Variants in CAMTA1 observed in about 807,000 individuals in gnomAD.
CAMTA1 encodes the protein calmodulin-binding transcription activator 1.
In CAMTA1, 27 loss-of-function variants were observed where a neutral mutation model predicts 170.9. That is an observed-to-expected ratio of 0.16 (90% CI 0.12 to 0.22). The LOEUF (loss-of-function observed/expected upper bound fraction) is 0.22. Ranked by LOEUF, CAMTA1 falls within the 10% of genes least tolerant of loss-of-function variation. CAMTA1 has a pLI of 1.00. For synonymous variants in CAMTA1, 833 were observed against 891.5 expected (o/e 0.93, Z 1.17); for missense variants, 1,619 against 2,217.2 (o/e 0.73, Z 5.42).
intron 3 of CAMTA1, among the ~76,000 whole-genome samples, chr1:6,850,155 C>A (rs542670379): frequency 6.6e-6 from 1 of 151,880 alleles, no homozygotes; most frequent in East Asian, 1.9e-4. Context: ...AAACGTGGGT[C>A]AATACTTACT....
At chr1:7,114,402 G>A (rs1443191522) in intron 4 of CAMTA1, among the ~76,000 whole-genome samples, 1 of 149,920 alleles carries the variant, frequency 6.7e-6, no homozygotes, top group Non-Finnish European at 1.5e-5. Context: ...AAGAAGAACT[G>A]TCTTGGGCCA....
chr1:7,614,308 C>A (rs1215464609), intron 6 of CAMTA1, among the ~76,000 whole-genome samples: 1 of 151,998 alleles, frequency 6.6e-6, no homozygotes, highest in East Asian at 1.9e-4. Context: ...GGAGCTCTGG[C>A]GTGGAGCTTC....
At chr1:7,444,136 CT>C (rs1314196636) in intron 5 of CAMTA1, among the ~76,000 whole-genome samples, 5 of 152,228 alleles carry the variant, frequency 3.3e-5, no homozygotes, top group African/African-American at 4.8e-5. Flanking sequence ...GCCTCTTCTA[CT>C]GTTTTGCTAA....
At chr1:7,478,238 G>C (rs1557779180) in intron 6 of CAMTA1, among the ~76,000 whole-genome samples, 1 of 151,156 alleles carries the variant, frequency 6.6e-6, no homozygotes, top group Non-Finnish European at 1.5e-5. Flanking sequence ...ATCCAACCCA[G>C]TTTGCAAATG....
At chr1:6,880,636 C>T (rs570976004) in intron 3 of CAMTA1, among the ~76,000 whole-genome samples, 11 of 152,238 alleles carry the variant, frequency 7.2e-5, no homozygotes, top group South Asian at 6.2e-4. Flanking sequence ...GTGATCCGCC[C>T]GCCTTGGCCT....
intron 4 of CAMTA1, among the ~76,000 whole-genome samples, chr1:7,133,634 A>C (rs142402266): frequency 1.1e-4 from 17 of 152,282 alleles, no homozygotes; most frequent in Middle Eastern, 3.4e-3. Context: ...TAAGGTGGGA[A>C]GGTAAATCCA....
intron 3 of CAMTA1, among the ~76,000 whole-genome samples, chr1:7,026,364 C>T (rs1702019999): frequency 1.3e-5 from 2 of 151,990 alleles, no homozygotes; most frequent in African/African-American, 2.4e-5. Context: ...GGGAGTCATC[C>T]GTGGCACGGC....
intron 5 of CAMTA1, among the ~76,000 whole-genome samples, chr1:7,428,183 CGTT>C (rs2091963222): frequency 6.6e-6 from 1 of 152,044 alleles, no homozygotes; most frequent in Non-Finnish European, 1.5e-5. Context: ...GCTATGGAGA[CGTT>C]GGTACTGTTG....
intron 3 of CAMTA1, among the ~76,000 whole-genome samples, chr1:7,036,699 C>T (rs557544638): frequency 2.6e-5 from 4 of 152,238 alleles, no homozygotes; most frequent in Non-Finnish European, 5.9e-5. Flanking sequence ...ATTTCTCTTT[C>T]AGCTCTTCTT....
intron 5 of CAMTA1, 53 bp from the exon 6 acceptor site, chr1:7,467,777 C>G: frequency 7.2e-4 from 818 of 1,133,900 alleles, no homozygotes; most frequent in Non-Finnish European, 1.0e-3. Flanking sequence ...CGTCTTCCTT[C>G]CTTCCTTCCT....
intron 1 of CAMTA1, among the ~76,000 whole-genome samples, chr1:6,787,355 GA>G (rs1283248047): frequency 9.2e-5 from 14 of 152,220 alleles, no homozygotes; most frequent in Admixed American, 8.5e-4. Flanking sequence ...GTGGGATCCA[GA>G]CATTTCTTTA....
chr1:7,295,357 C>T (rs1177575260), intron 5 of CAMTA1, among the ~76,000 whole-genome samples: 2 of 152,162 alleles, frequency 1.3e-5, no homozygotes, highest in Non-Finnish European at 2.9e-5. Flanking sequence ...GAACTAAACC[C>T]CTCTACTCAT....
At chr1:6,819,219 C>T (rs1211371255) in intron 1 of CAMTA1, among the ~76,000 whole-genome samples, 1 of 152,020 alleles carries the variant, frequency 6.6e-6, no homozygotes, top group Non-Finnish European at 1.5e-5. Flanking sequence ...GATGAATAAT[C>T]TAAAATTTTA....
rs70987361 is a variant in CAMTA1, at chr1:7,680,809, CG to C, written c.2914+3085del. On this transcript the variant is annotated intron_variant, in intron 11 of 22. Coordinates refer to ENST00000303635, the MANE Select transcript of CAMTA1 (RefSeq NM_015215.4). This position sits in a 1 kb window ranked among gnomAD's most constrained non-coding sequence, Gnocchi z 4.4. ...TGAATTTGTTTGCTTGGCTAAAGGC[CG>C]GGGGGGGGCGTGGGTCCGGGGCGCA... is the stretch of plus-strand genomic sequence containing the variant. 1.1e-4 allele frequency among the ~76,000 whole-genome samples: 11 copies of C among 95,772 alleles called. No homozygotes were observed. Among genetic ancestry groups the C allele is most frequent in the East Asian group, 4.9e-4 (1 of 2,028 alleles). 62.8% of individuals were successfully genotyped at this position (95,772 alleles called of 152,430 possible).
chr1:7,048,165 T>A, intron 3 of CAMTA1, among the ~76,000 whole-genome samples: 1 of 152,128 alleles, frequency 6.6e-6, no homozygotes, highest in Non-Finnish European at 1.5e-5. Flanking sequence ...GGATCAAGAT[T>A]TTCTCTTTTG....
intron 11 of CAMTA1, among the ~76,000 whole-genome samples, chr1:7,731,181 C>T (rs924842445): frequency 6.6e-6 from 1 of 152,082 alleles, no homozygotes; most frequent in Non-Finnish European, 1.5e-5. Flanking sequence ...CGTGTTTTCT[C>T]TTTGAGTTTC....
chr1:6,948,513 T>A (rs1687928005), intron 3 of CAMTA1, among the ~76,000 whole-genome samples: 1 of 152,210 alleles, frequency 6.6e-6, no homozygotes, highest in Admixed American at 6.5e-5. Context: ...AAGATGAGTT[T>A]TATTGTCCTC....
At chr1:6,931,964 C>T (rs888918711) in intron 3 of CAMTA1, among the ~76,000 whole-genome samples, 3 of 152,318 alleles carry the variant, frequency 2.0e-5, no homozygotes, top group Middle Eastern at 3.4e-3. Context: ...AACACCTGTA[C>T]GCACTGGTGC....
chr1:7,602,983 C>A (rs561915645), intron 6 of CAMTA1, among the ~76,000 whole-genome samples: 1 of 152,178 alleles, frequency 6.6e-6, no homozygotes, highest in Non-Finnish European at 1.5e-5. Flanking sequence ...GTTTCTGAAT[C>A]CTGAGTTCTA....
Sources: gnomAD v4.1 joint callset for allele counts (sites outside exome capture counted in the v4.1 genomes callset) on GRCh38, gnomAD v4.1.1 for gene constraint, Gnocchi (gnomAD v3.1) non-coding constraint, MANE v1.5 for transcripts, NCBI Gene and HGNC (gene_info 2026-07-23, HGNC 2026-07-21) for gene names.